The following CRB1 variants were observed in gnomAD, a reference collection of about 807,000 sequenced individuals.
CRB1 encodes the protein protein crumbs homolog 1.
Under a neutral mutation model 120.0 loss-of-function variants are expected in CRB1, and 83 were observed. The observed-to-expected ratio is 0.69, with a 90% CI of 0.58 to 0.83. The LOEUF (loss-of-function observed/expected upper bound fraction) is 0.83, where lower values mean the gene tolerates loss of function less well. CRB1 is among the 40% of genes least tolerant of loss of function. The probability of loss-of-function intolerance (pLI) is 0.00; values close to 1 mark genes in which losing one functional copy is unlikely to be tolerated. For missense variants in CRB1, 1,699 were observed against 1,687.6 expected, an observed-to-expected ratio of 1.01 and a Z score of -0.12; for synonymous variants, 625 against 612.5, an observed-to-expected ratio of 1.02 and a Z score of -0.30.
At chr1:197,370,388 A>G (rs1434879535) in intron 5 of CRB1, among the ~76,000 whole-genome samples, 1 of 152,182 alleles carries the variant, frequency 6.6e-6, no homozygotes, top group Non-Finnish European at 1.5e-5. Flanking sequence ...TCTACTCATC[A>G]GCACATGGAA....
the CRB1 span, among the ~76,000 whole-genome samples, chr1:197,230,968 T>G: frequency 6.6e-6 from 1 of 152,278 alleles, no homozygotes; most frequent in South Asian, 2.1e-4. Context: ...GTCATGATGA[T>G]CAAATGCTCA....
chr1:197,409,772 C>G (rs1571496719), intron 5 of CRB1, among the ~76,000 whole-genome samples: 2 of 152,168 alleles, frequency 1.3e-5, no homozygotes, highest in African/African-American at 4.8e-5. Context: ...ATCTGAGACT[C>G]AGGAAGTGTT....
intron 11 of CRB1, among the ~76,000 whole-genome samples, chr1:197,456,393 G>GT (rs953388714): frequency 6.6e-6 from 1 of 151,964 alleles, no homozygotes; most frequent in Non-Finnish European, 1.5e-5. Context: ...TGAGAATTTT[G>GT]TTTTTGTGTG....
chr1:197,203,971 A>G, the CRB1 span, among the ~76,000 whole-genome samples: 1 of 151,288 alleles, frequency 6.6e-6, no homozygotes, highest in Non-Finnish European at 1.5e-5. Context: ...CTGAATCCCC[A>G]GAGTCCATTG....
chr1:197,389,420 T>C (rs949332505), intron 5 of CRB1, among the ~76,000 whole-genome samples: 2 of 152,174 alleles, frequency 1.3e-5, no homozygotes, highest in African/African-American at 4.8e-5. Flanking sequence ...GGAAATATGT[T>C]AAGTGAAATA....
At chr1:197,466,625 A>G (rs1404661311) in intron 11 of CRB1, among the ~76,000 whole-genome samples, 3 of 152,186 alleles carry the variant, frequency 2.0e-5, no homozygotes, top group African/African-American at 7.2e-5. Flanking sequence ...AACACAAACC[A>G]ATAGACCTTC....
intron 1 of CRB1, among the ~76,000 whole-genome samples, chr1:197,316,396 A>C (rs888943265): frequency 1.0e-3 from 78 of 76,566 alleles, no homozygotes; most frequent in African/African-American, 3.3e-3. Context: ...GTGTTAGCCA[A>C]GATGGTCTCA....
At chr1:197,419,809 C>CAAA (rs551970933) in intron 5 of CRB1, among the ~76,000 whole-genome samples, 128 of 127,206 alleles carry the variant, frequency 1.0e-3, no homozygotes, top group East Asian at 3.0e-3. Context: ...CCCATCTCTA[C>CAAA]AAAAAAAAAA....
At chr1:197,287,629 G>A (rs1301276597) in intron 1 of CRB1, among the ~76,000 whole-genome samples, 1 of 151,730 alleles carries the variant, frequency 6.6e-6, no homozygotes, top group Non-Finnish European at 1.5e-5. Context: ...AGATGTTAGA[G>A]ACAGTAACAA....
intron 11 of CRB1, among the ~76,000 whole-genome samples, chr1:197,473,618 G>A (rs201172381): frequency 4.8e-5 from 7 of 145,062 alleles, no homozygotes; most frequent in Non-Finnish European, 4.5e-5. Flanking sequence ...TCATTTTTCA[G>A]AAAAAAAAAA....
At chr1:197,348,806 T>A (rs1659926145) in intron 4 of CRB1, among the ~76,000 whole-genome samples, 1 of 152,126 alleles carries the variant, frequency 6.6e-6, no homozygotes, top group African/African-American at 2.4e-5. Context: ...CAGCTGTACA[T>A]GTGTTTGTGA....
At chr1:197,391,548 G>T (rs1662506952) in intron 5 of CRB1, among the ~76,000 whole-genome samples, 1 of 152,124 alleles carries the variant, frequency 6.6e-6, no homozygotes, top group Non-Finnish European at 1.5e-5. Context: ...TAGTTGCCTT[G>T]TGGTTTCCTG....
intron 5 of CRB1, among the ~76,000 whole-genome samples, chr1:197,390,179 G>GT (rs1662425666): frequency 6.8e-6 from 1 of 146,864 alleles, no homozygotes; most frequent in Non-Finnish European, 1.5e-5. Context: ...GGGTGTTTGT[G>GT]TGGGGGGGAG....
chr1:197,445,398 G>A (rs994252711), intron 11 of CRB1, among the ~76,000 whole-genome samples: 1 of 152,020 alleles, frequency 6.6e-6, no homozygotes, highest in South Asian at 2.1e-4. Flanking sequence ...AGGCAAATTT[G>A]GAAAAATCAG....
chr1:197,387,813 G>GAA (rs1198723958), intron 5 of CRB1, among the ~76,000 whole-genome samples: 1 of 151,506 alleles, frequency 6.6e-6, no homozygotes, highest in Non-Finnish European at 1.5e-5. Flanking sequence ...ATACAGAAAG[G>GAA]AAAAAAACAC....
chr1:197,443,427 A>G (rs995451871), intron 11 of CRB1: 2 of 152,036 alleles, frequency 1.3e-5, no homozygotes, highest in Non-Finnish European at 2.9e-5. Context: ...CCTAACAAAT[A>G]GAACAATTTT....
intron 1 of CRB1, among the ~76,000 whole-genome samples, chr1:197,298,251 G>A (rs938397300): frequency 2.0e-5 from 3 of 152,092 alleles, no homozygotes; most frequent in Admixed American, 6.6e-5. Context: ...TTCTGAGCAC[G>A]CTGAAATTTT....
chr1:197,391,392 T>C (rs1170972543), intron 5 of CRB1, among the ~76,000 whole-genome samples: 1 of 152,132 alleles, frequency 6.6e-6, no homozygotes, highest in East Asian at 1.9e-4. Flanking sequence ...AAATTTCTTG[T>C]GGTTTCTTCT....
intron 1 of CRB1, among the ~76,000 whole-genome samples, chr1:197,273,171 T>G (rs1655003696): frequency 6.6e-6 from 1 of 152,110 alleles, no homozygotes; most frequent in African/African-American, 2.4e-5. Context: ...TTGTTTTTGA[T>G]GACCTTGAAG....
Sources: allele counts gnomAD v4.1 joint callset (sites outside exome capture counted in the v4.1 genomes callset), GRCh38; gene constraint gnomAD v4.1.1; transcripts MANE v1.5; gene names NCBI Gene and HGNC (gene_info 2026-07-23, HGNC 2026-07-21).